SYN3: variants seen among roughly 807,000 people sequenced by gnomAD.
The protein encoded by SYN3 is synapsin-3.
SYN3 carries 35 observed loss-of-function variants against 65.8 expected under a neutral mutation model. The observed-to-expected ratio is 0.53, with a 90% CI of 0.41 to 0.70. SYN3 has a LOEUF of 0.70. Among genes scored for constraint, SYN3 ranks in the 30% least tolerant of loss-of-function variants. SYN3 has a pLI of 0.00. For synonymous variants in SYN3, 270 were observed against 292.9 expected (o/e 0.92, Z 0.80); for missense variants, 680 against 749.0 (o/e 0.91, Z 1.08).
intron 6 of SYN3, among the ~76,000 whole-genome samples, chr22:32,701,834 G>A (rs1189158867): frequency 2.6e-5 from 4 of 151,520 alleles, no homozygotes; most frequent in Non-Finnish European, 5.9e-5. Context: ...AGAAGAGAGG[G>A]GAGTACAGAA....
chr22:32,604,935 G>A (rs907485661), intron 6 of SYN3, among the ~76,000 whole-genome samples: 1 of 151,408 alleles, frequency 6.6e-6, no homozygotes, highest in Non-Finnish European at 1.5e-5. Flanking sequence ...GAACCCGGGA[G>A]GTGGAGCTTG....
chr22:32,824,989 C>T (rs1243575949), intron 6 of SYN3, among the ~76,000 whole-genome samples: 3 of 152,176 alleles, frequency 2.0e-5, no homozygotes, highest in South Asian at 2.1e-4. Context: ...TTCCTGGCCC[C>T]GCCTGTCTTG....
chr22:33,056,234 C>T (rs572426044), intron 1 of SYN3, among the ~76,000 whole-genome samples: 1 of 152,184 alleles, frequency 6.6e-6, no homozygotes, highest in Non-Finnish European at 1.5e-5. Context: ...AATTCCAAAA[C>T]TCATTTTCAG....
chr22:32,544,229 C>T (rs755015661), intron 7 of SYN3, among the ~76,000 whole-genome samples: 20 of 152,358 alleles, frequency 1.3e-4, no homozygotes, highest in African/African-American at 3.4e-4. Context: ...CGAGCCACTG[C>T]GCCTGGCCCC....
At chr22:32,891,611 T>C (rs2049449356) in intron 4 of SYN3, among the ~76,000 whole-genome samples, 1 of 152,228 alleles carries the variant, frequency 6.6e-6, no homozygotes, top group Non-Finnish European at 1.5e-5. Flanking sequence ...GGACCAGCCA[T>C]TCCTGCTTAA....
At position 32,845,204 on chromosome 22, in the gene SYN3, C is replaced by CT. The variant is rs796510322; in HGVS notation, c.711+19710dup. On this transcript the variant is annotated intron_variant, in intron 6 of 13. Transcript: ENST00000358763. ...TGGAGACTAGTCCTCTAGCCATAAA[C>CT]TTTTTTTTTTTGAGATGGAATCTCG... Among the ~76,000 whole-genome samples, 66 of 148,318 alleles carry CT rather than the reference C, an allele frequency of 4.4e-4. 1 individual carries two copies. In the South Asian group the frequency reaches 5.8e-3, roughly 13 times the overall value.
intron 12 of SYN3, among the ~76,000 whole-genome samples, chr22:32,521,849 C>T (rs376856288): frequency 1.1e-4 from 16 of 152,164 alleles, no homozygotes; most frequent in Non-Finnish European, 2.1e-4. Flanking sequence ...TCCCCTGATT[C>T]GCCTCCCTTC....
intron 6 of SYN3, among the ~76,000 whole-genome samples, chr22:32,756,674 T>C (rs2045300665): frequency 6.6e-6 from 1 of 152,086 alleles, no homozygotes; most frequent in Non-Finnish European, 1.5e-5. Flanking sequence ...GATCTGGTTG[T>C]TCAAAAGTGT....
intron 4 of SYN3, among the ~76,000 whole-genome samples, chr22:32,876,203 A>G (rs767087486): frequency 1.8e-4 from 27 of 152,078 alleles, no homozygotes; most frequent in Non-Finnish European, 3.1e-4. Flanking sequence ...GTGTCCTTAC[A>G]TGGCAGAAGG....
chr22:32,773,176 G>T (rs1171407577), intron 6 of SYN3, among the ~76,000 whole-genome samples: 2 of 152,128 alleles, frequency 1.3e-5, no homozygotes, highest in Non-Finnish European at 2.9e-5. Flanking sequence ...GGAGGCTGAG[G>T]TGGGCAGATT....
chr22:33,056,211 C>T (rs529181263), intron 1 of SYN3, among the ~76,000 whole-genome samples: 1 of 152,296 alleles, frequency 6.6e-6, no homozygotes, highest in African/African-American at 2.4e-5. Context: ...CTCACAAAAG[C>T]TGACTCAACT....
chr22:32,733,651 G>GA (rs1446954984), intron 6 of SYN3, among the ~76,000 whole-genome samples: 3 of 152,228 alleles, frequency 2.0e-5, no homozygotes, highest in African/African-American at 7.2e-5. Flanking sequence ...GTGTCTGGCA[G>GA]AGGGGTTGGT....
At chr22:33,004,379 G>C (rs2053145955) in intron 2 of SYN3, among the ~76,000 whole-genome samples, 1 of 152,254 alleles carries the variant, frequency 6.6e-6, no homozygotes, top group Non-Finnish European at 1.5e-5. Flanking sequence ...TAGGGATGGA[G>C]CTATCCAAGG....
chr22:32,607,419 C>T (rs1273590754), intron 6 of SYN3, among the ~76,000 whole-genome samples: 7 of 152,130 alleles, frequency 4.6e-5, no homozygotes, highest in Non-Finnish European at 7.4e-5. Context: ...CACCACCCGC[C>T]CAGGTGCCCA....
chr22:33,041,066 C>G, intron 1 of SYN3, among the ~76,000 whole-genome samples: 1 of 151,788 alleles, frequency 6.6e-6, no homozygotes, highest in Admixed American at 6.6e-5. Context: ...AGGCATGCGC[C>G]ACCATCCCCA....
rs2146039590 is a variant in SYN3 at position 32,513,104 on chromosome 22, T to G, written c.*588A>C. ...TTCTTTCTTGGCCTCAGGACCCCAC[T>G]AGTGGCCGAGTGTGATGGGGGCCTT... On this transcript the variant is annotated 3_prime_UTR_variant, in exon 14 of 14. Coordinates refer to ENST00000358763, the MANE Select transcript of SYN3 (RefSeq NM_003490.4). 1 of 152,612 alleles carries G rather than the reference T, an allele frequency of 6.6e-6. No homozygotes were observed. Among genetic ancestry groups the G allele is most frequent in the East Asian group, 1.9e-4 (1 of 5,178 alleles). The allele number at this position is 152,612 out of a possible 1,614,324, so 9.5% of individuals were successfully genotyped here.
chr22:32,786,384 C>CT (rs796702280), intron 6 of SYN3, among the ~76,000 whole-genome samples: 3,417 of 145,240 alleles, frequency 0.024, 111 homozygotes, highest in African/African-American at 0.076. Flanking sequence ...GCAACTTATT[C>CT]TTTTTTTTTT....
chr22:32,795,064 T>G (rs1252226466), intron 6 of SYN3, among the ~76,000 whole-genome samples: 1 of 152,212 alleles, frequency 6.6e-6, no homozygotes, highest in Non-Finnish European at 1.5e-5. Flanking sequence ...GAGGGCCTCC[T>G]CCAGCTGTGG....
chr22:32,917,028 A>G (rs1007314477), intron 4 of SYN3, among the ~76,000 whole-genome samples: 1 of 152,146 alleles, frequency 6.6e-6, no homozygotes, highest in African/African-American at 2.4e-5. Context: ...AAGGGTGTAC[A>G]AGACTAGTTG....
Sources: gnomAD v4.1 joint callset for allele counts (sites outside exome capture counted in the v4.1 genomes callset) on GRCh38, gnomAD v4.1.1 for gene constraint, MANE v1.5 for transcripts, NCBI Gene and HGNC (gene_info 2026-07-23, HGNC 2026-07-21) for gene names.